Variants in EYS observed in about 807,000 individuals in gnomAD.
The protein encoded by EYS is protein eyes shut homolog.
A neutral mutation model predicts 282.1 loss-of-function variants in EYS; 250 were observed. That is an observed-to-expected ratio of 0.89 (90% confidence interval 0.80 to 0.98). The LOEUF (loss-of-function observed/expected upper bound fraction) is 0.98. Among genes scored for constraint, EYS ranks in the 50% least tolerant of loss-of-function variants. The pLI, the probability that EYS is intolerant of heterozygous loss-of-function variation, is 0.00. For synonymous variants in EYS, 1,355 were observed against 1,282.9 expected, an observed-to-expected ratio of 1.06 and a Z score of -1.20; for missense variants, 4,016 against 3,709.0, an observed-to-expected ratio of 1.08 and a Z score of -2.15.
chr6:64,199,208 A>C (rs1167835743), intron 31 of EYS, among the ~76,000 whole-genome samples: 4 of 152,230 alleles, frequency 2.6e-5, no homozygotes, highest in Non-Finnish European at 5.9e-5. Context: ...AATAACAAAA[A>C]TAGCATGGTA....
rs146137700 is a variant in EYS, at chr6:65,033,562, A to G, written c.2137+24052T>C. On this transcript the variant is annotated intron_variant, in intron 13 of 42. Coordinates refer to ENST00000503581, the MANE Select transcript of EYS (RefSeq NM_001142800.2). Reference sequence around the variant, plus strand: ...GACCCAGGTACAGCTCCAGGCTGCCATTCTGGAGAATGCAAGTCAAAAACC... The same window carrying G: ...GACCCAGGTACAGCTCCAGGCTGCCGTTCTGGAGAATGCAAGTCAAAAACC... Among the ~76,000 whole-genome samples, 309 of 152,278 alleles carry G rather than the reference A, an allele frequency of 2.0e-3. 4 individuals carry two copies. The East Asian group carries it at 0.049, about 24-fold the overall frequency.
intron 22 of EYS, among the ~76,000 whole-genome samples, chr6:64,627,859 C>A (rs535264561): frequency 4.6e-5 from 7 of 152,148 alleles, no homozygotes; most frequent in Non-Finnish European, 8.8e-5. Flanking sequence ...GCGGGTGGAT[C>A]ATGAGGTCAG....
At chr6:63,764,353 A>G (rs534438024) in intron 40 of EYS, among the ~76,000 whole-genome samples, 83 of 152,214 alleles carry the variant, frequency 5.5e-4, no homozygotes, top group Non-Finnish European at 1.0e-3. Flanking sequence ...ACAAAATTGC[A>G]TATTTTGAAG....
At chr6:64,675,712 G>T (rs1769637004) in intron 22 of EYS, among the ~76,000 whole-genome samples, 1 of 151,804 alleles carries the variant, frequency 6.6e-6, no homozygotes. Flanking sequence ...ACAGGCATGA[G>T]CCACCACACC....
chr6:65,106,971 T>C (rs1447612012), intron 12 of EYS, among the ~76,000 whole-genome samples: 1 of 152,056 alleles, frequency 6.6e-6, no homozygotes, highest in Non-Finnish European at 1.5e-5. Context: ...AATGAACAAC[T>C]GTGGTAACAT....
At chr6:64,987,643 G>A (rs1486396889) in intron 14 of EYS, among the ~76,000 whole-genome samples, 1 of 151,396 alleles carries the variant, frequency 6.6e-6, no homozygotes, top group Non-Finnish European at 1.5e-5. Flanking sequence ...GACTTGTGCT[G>A]TATATTCCCC....
chr6:63,909,340 C>T (rs557312531), intron 35 of EYS, among the ~76,000 whole-genome samples: 64 of 152,204 alleles, frequency 4.2e-4, no homozygotes, highest in African/African-American at 1.5e-3. Context: ...CTATTTCACA[C>T]TCTATTACTC....
chr6:64,270,679 T>G (rs1006830315), intron 30 of EYS, among the ~76,000 whole-genome samples: 2 of 152,184 alleles, frequency 1.3e-5, no homozygotes, highest in African/African-American at 4.8e-5. Flanking sequence ...ATATGCAACA[T>G]TTGTTTAACT....
intron 39 of EYS, among the ~76,000 whole-genome samples, chr6:63,778,395 G>GGT (rs144942923): frequency 8.8e-4 from 133 of 150,500 alleles, no homozygotes; most frequent in African/African-American, 2.1e-3. Context: ...TTAACATTTT[G>GGT]GTGTGTGTGT....
At chr6:65,319,204 C>CAAAAAAAAAAAA (rs55687610) in intron 11 of EYS, among the ~76,000 whole-genome samples, 34 of 44,298 alleles carry the variant, frequency 7.7e-4, no homozygotes, top group East Asian at 1.6e-3. Context: ...ACTAAAAATG[C>CAAAAAAAAAAAA]AAAAAAAAAA....
chr6:64,315,556 A>C (rs945484456), intron 29 of EYS, among the ~76,000 whole-genome samples: 2 of 151,796 alleles, frequency 1.3e-5, no homozygotes, highest in Admixed American at 1.3e-4. Context: ...ACACATCAAA[A>C]AGCTTTTCTA....
intron 13 of EYS, among the ~76,000 whole-genome samples, chr6:65,027,668 T>A (rs1484509285): frequency 1.3e-5 from 2 of 152,182 alleles, no homozygotes; most frequent in African/African-American, 4.8e-5. Context: ...ATAGGTACCT[T>A]TTGTGTATGG....
intron 1 of EYS, among the ~76,000 whole-genome samples, chr6:65,703,708 A>C (rs1400683717): frequency 6.6e-6 from 1 of 152,116 alleles, no homozygotes; most frequent in Non-Finnish European, 1.5e-5. Flanking sequence ...AAGCTCCTAG[A>C]AGAAATCTGA....
intron 35 of EYS, among the ~76,000 whole-genome samples, chr6:63,890,945 G>A (rs1773392151): frequency 6.6e-6 from 1 of 152,178 alleles, no homozygotes; most frequent in African/African-American, 2.4e-5. Flanking sequence ...TACCATCAGA[G>A]AATACTATAA....
At chr6:64,529,205 A>G (rs192233711) in intron 26 of EYS, among the ~76,000 whole-genome samples, 1 of 152,172 alleles carries the variant, frequency 6.6e-6, no homozygotes, top group East Asian at 1.9e-4. Flanking sequence ...CTACTCATGT[A>G]CATCATTCAA....
chr6:64,154,252 C>G (rs1190189738), intron 31 of EYS, among the ~76,000 whole-genome samples: 1 of 151,886 alleles, frequency 6.6e-6, no homozygotes, highest in Non-Finnish European at 1.5e-5. Context: ...ACCAGCCTGA[C>G]CAACATGGAA....
intron 22 of EYS, among the ~76,000 whole-genome samples, chr6:64,801,866 G>T (rs1347938520): frequency 6.6e-6 from 1 of 151,956 alleles, no homozygotes; most frequent in Non-Finnish European, 1.5e-5. Flanking sequence ...ACTAGTCGCT[G>T]AGGAGAGATT....
intron 11 of EYS, among the ~76,000 whole-genome samples, chr6:65,311,060 ATAT>A (rs201573827): frequency 0.046 from 6,956 of 152,202 alleles, 217 homozygotes; most frequent in South Asian, 0.088. Flanking sequence ...GATGAATAAA[ATAT>A]TATTTTTTGA....
chr6:65,482,176 T>G (rs1016297447), intron 5 of EYS, among the ~76,000 whole-genome samples: 3 of 152,156 alleles, frequency 2.0e-5, no homozygotes, highest in Non-Finnish European at 4.4e-5. Context: ...AAAATAAAGT[T>G]TGACAATGTA....
Sources: gnomAD v4.1 joint callset for allele counts (sites outside exome capture counted in the v4.1 genomes callset) on GRCh38, gnomAD v4.1.1 for gene constraint, MANE v1.5 for transcripts, NCBI Gene and HGNC (gene_info 2026-07-23, HGNC 2026-07-21) for gene names.